TMC7: variants seen among roughly 807,000 people sequenced by gnomAD.
TMC7 encodes the protein transmembrane channel like 7, also known as transmembrane channel-like protein 7.
Under a neutral mutation model 82.9 loss-of-function variants are expected in TMC7, and 54 were observed. The ratio of observed to expected loss-of-function variants is 0.65; its 90% CI spans 0.52 to 0.82. The LOEUF (loss-of-function observed/expected upper bound fraction) is 0.82. Ranked by LOEUF, TMC7 falls within the 40% of genes least tolerant of loss-of-function variation. The pLI, the probability that TMC7 is intolerant of heterozygous loss-of-function variation, is 0.00. For synonymous variants in TMC7, 350 were observed against 337.9 expected (o/e 1.04, Z -0.39); for missense variants, 820 against 901.2 (o/e 0.91, Z 1.15).
chr16:19,051,975 A>G (rs1355613463), intron 13 of TMC7, among the ~76,000 whole-genome samples, 159 bp downstream of exon 13: 2 of 151,380 alleles, frequency 1.3e-5, no homozygotes, highest in Non-Finnish European at 2.9e-5. Context: ...GCTCACTGCA[A>G]CCTCCGTCTC....
chr16:19,060,811 G>A (rs150981154), intron 15 of TMC7, among the ~76,000 whole-genome samples: 1 of 144,858 alleles, frequency 6.9e-6, no homozygotes, highest in East Asian at 2.0e-4. Context: ...TTTTGAGACA[G>A]AGTCTTGCTC....
intron 7 of TMC7, among the ~76,000 whole-genome samples, chr16:19,037,050 C>T (rs963205666): frequency 2.6e-5 from 4 of 152,058 alleles, no homozygotes; most frequent in Non-Finnish European, 4.4e-5. Flanking sequence ...AGCCCAATTG[C>T]AGTCTTAAAT....
At position 19,040,396 on chromosome 16, in the gene TMC7, C is replaced by T. The variant is rs960279884; in HGVS notation, c.1287C>T (p.Ile429=). 6 of 1,613,574 alleles carry T rather than the reference C, an allele frequency of 3.7e-6. No homozygotes were observed. The highest frequency in any genetic ancestry group is 1.7e-5 in the Admixed American group (1 of 59,970). The part of the protein sequence containing the change: ...FITPMIFAKI[I]RYEDYSPGFE... ...CCCCAATGATCTTTGCCAAGATCAT[C>T]CGCTATGAGGATTATTCTCCAGGCT... Residue 429 remains isoleucine, a synonymous_variant, in exon 9 of 16, where the codon ATC becomes ATT. Transcript: ENST00000304381.
chr16:18,995,751 A>C (rs540552434), intron 1 of TMC7, among the ~76,000 whole-genome samples: 2 of 152,166 alleles, frequency 1.3e-5, no homozygotes, highest in Non-Finnish European at 2.9e-5. Context: ...CATCTACTCT[A>C]TTATTGTACA....
At chr16:19,026,476 CAA>C (rs567272137) in intron 5 of TMC7, among the ~76,000 whole-genome samples, 11 of 111,058 alleles carry the variant, frequency 9.9e-5, no homozygotes, top group Non-Finnish European at 7.6e-5. Context: ...GACTCCGTCT[CAA>C]AAAAAAAAAA....
At chr16:19,014,236 T>C (rs1040914693) in intron 2 of TMC7, among the ~76,000 whole-genome samples, 1 of 152,042 alleles carries the variant, frequency 6.6e-6, no homozygotes, top group African/African-American at 2.4e-5. Flanking sequence ...GATTGGAGGA[T>C]GTTTAGCAAC....
Position 18,992,541 on chromosome 16 carries a change from G to A in TMC7, c.67+8411G>A, listed in dbSNP as rs544335486. ...GATTTCAAAAATTTTCTCCCATTCT[G>A]TAGGTTGCCTGTTCACTCTGATGGT... On this transcript the variant is annotated intron_variant, in intron 1 of 15. Transcript: ENST00000304381. Among the ~76,000 whole-genome samples the A allele has an allele frequency of 3.1e-3, 473 of 152,260 alleles. 3 individuals are homozygous for A. The highest frequency in any genetic ancestry group is 0.011 in the African/African-American group (461 of 41,558).
At chr16:18,990,908 G>A (rs528218823) in intron 1 of TMC7, among the ~76,000 whole-genome samples, 2 of 152,194 alleles carry the variant, frequency 1.3e-5, no homozygotes, top group South Asian at 4.2e-4. Context: ...ATCTTCAGTT[G>A]CTTCAGGCCA....
At chr16:19,059,328 T>A in intron 14 of TMC7, 88 bp from the exon 15 acceptor site, 1 of 1,555,352 alleles carries the variant, frequency 6.4e-7, no homozygotes, top group Admixed American at 1.8e-5. Context: ...AGAGTAAAAC[T>A]GTTCCAAGGA....
chr16:19,009,792 T>A (rs989302261), intron 2 of TMC7, among the ~76,000 whole-genome samples: 2 of 151,514 alleles, frequency 1.3e-5, no homozygotes, highest in African/African-American at 2.4e-5. Flanking sequence ...ATACAAAAAA[T>A]TAGCTGGGCA....
At chr16:19,053,165 C>T (rs780896276) in intron 13 of TMC7, among the ~76,000 whole-genome samples, 23 of 152,116 alleles carry the variant, frequency 1.5e-4, no homozygotes, top group Non-Finnish European at 2.5e-4. Flanking sequence ...CTTATTCTCA[C>T]TCTCCATAGG....
chr16:19,017,239 C>T (rs887547437), intron 3 of TMC7, among the ~76,000 whole-genome samples: 1 of 151,716 alleles, frequency 6.6e-6, no homozygotes, highest in African/African-American at 2.4e-5. Context: ...TTCTATCACA[C>T]ATATTTTTAA....
intron 2 of TMC7, among the ~76,000 whole-genome samples, chr16:19,014,663 C>T (rs554733850): frequency 1.1e-4 from 16 of 152,290 alleles, no homozygotes; most frequent in East Asian, 1.9e-4. Flanking sequence ...GGACTTGGGG[C>T]GCCTCCTCCA....
chr16:19,042,729 A>G (rs1961075330), intron 9 of TMC7, among the ~76,000 whole-genome samples: 1 of 149,660 alleles, frequency 6.7e-6, no homozygotes, highest in Non-Finnish European at 1.5e-5. Context: ...AAATGTTTCT[A>G]TTTAATTTAT....
chr16:18,984,087 G>T lies in TMC7; in HGVS notation c.24G>T (p.Ala8=). 6.7e-7 allele frequency: 1 copy of T among 1,500,740 alleles called. No homozygotes were observed. Among genetic ancestry groups the T allele is most frequent in the South Asian group, 1.2e-5 (1 of 80,290 alleles). The allele number at this position is 1,500,740 out of a possible 1,614,324, so 93.0% of individuals were successfully genotyped here. MSESSGS[A]LQPGRPSRQP... ...CCATGAGCGAGTCCAGCGGCAGTGC[G>T]CTCCAGCCCGGCAGGCCCAGCCGGC... Residue 8 remains alanine (A), a synonymous_variant, in exon 1 of 16, where the codon GCG becomes GCT. Transcript: ENST00000304381.
Position 19,006,723 on chromosome 16 carries a change from C to T in TMC7, c.68-2449C>T, listed in dbSNP as rs867358623. Among the ~76,000 whole-genome samples, 5 of 152,354 alleles carry T rather than the reference C, an allele frequency of 3.3e-5. No individual in the cohort carries two copies. The South Asian group carries it at 8.3e-4, about 25-fold the overall frequency. ...CAGGGCACGGGGGAGCCCGCTTGCA[C>T]TGCTGCCTGGGATGTCTGCTGGCGC... On this transcript the variant is annotated intron_variant, in intron 1 of 15. Coordinates refer to ENST00000304381, the MANE Select transcript of TMC7 (RefSeq NM_024847.4).
intron 9 of TMC7, among the ~76,000 whole-genome samples, chr16:19,041,546 A>G (rs952308414): frequency 1.6e-4 from 24 of 151,818 alleles, no homozygotes; most frequent in Non-Finnish European, 3.2e-4. Context: ...TTTAAAATAT[A>G]TTTTTAGTAG....
At chr16:18,986,818 T>C (rs969596474) in intron 1 of TMC7, among the ~76,000 whole-genome samples, 6 of 151,914 alleles carry the variant, frequency 3.9e-5, no homozygotes, top group East Asian at 1.9e-4. Context: ...TTTTTTTTTT[T>C]CTTTGAGATG....
intron 12 of TMC7, among the ~76,000 whole-genome samples, chr16:19,049,224 A>G (rs1031696345): frequency 5.3e-5 from 8 of 152,098 alleles, no homozygotes; most frequent in Admixed American, 2.0e-4. Context: ...GCGTTTCACC[A>G]TGTTGGCCAG....
Sources: allele counts gnomAD v4.1 joint callset (sites outside exome capture counted in the v4.1 genomes callset), GRCh38; gene constraint gnomAD v4.1.1; transcripts MANE v1.5; gene names NCBI Gene and HGNC (gene_info 2026-07-23, HGNC 2026-07-21).